The following PACRG variants were observed in gnomAD, a reference collection of about 807,000 sequenced individuals.
PACRG encodes the protein parkin coregulated, also known as parkin coregulated gene protein.
Under a neutral mutation model 29.7 loss-of-function variants are expected in PACRG, and 29 were observed. That is an observed-to-expected ratio of 0.98 (90% CI 0.73 to 1.33). The LOEUF (loss-of-function observed/expected upper bound fraction) is 1.33, where lower values mean the gene tolerates loss of function less well. Ranked by LOEUF, PACRG falls within the 40% of genes most tolerant of loss-of-function variation. PACRG has a pLI of 0.00. For missense variants in PACRG, 279 were observed against 316.2 expected (o/e 0.88, Z 0.89); for synonymous variants, 116 against 118.7 (o/e 0.98, Z 0.15).
chr6:163,242,029 A>G (rs1452538201), intron 4 of PACRG, among the ~76,000 whole-genome samples: 4 of 152,164 alleles, frequency 2.6e-5, no homozygotes, highest in Non-Finnish European at 5.9e-5. Context: ...ATTTTTTTAA[A>G]CCAATGATGT....
chr6:163,278,686 G>A (rs1290553277), intron 4 of PACRG, among the ~76,000 whole-genome samples: 1 of 152,074 alleles, frequency 6.6e-6, no homozygotes, highest in Non-Finnish European at 1.5e-5. Flanking sequence ...CTGTTCCATT[G>A]GTCTATGTGC....
At chr6:162,792,051 G>A (rs1514343) in intron 1 of PACRG, among the ~76,000 whole-genome samples, 32,817 of 152,016 alleles carry the variant, frequency 0.22, 4,301 homozygotes, top group African/African-American at 0.33. Flanking sequence ...TTTGAGGAGA[G>A]AATGAAATAT....
chr6:162,809,141 A>G lies in PACRG; in HGVS notation c.157-5006A>G, dbSNP rs188058890. On this transcript the variant is annotated intron_variant, in intron 1 of 4. Coordinates refer to ENST00000366888, the MANE Select transcript of PACRG (RefSeq NM_001080379.2). Reference sequence around the variant, plus strand: ...TGTCATATGTACCTGGAACAGAAAAAAATATTATTTCAGCAGTAGTGACAA... The same window carrying G: ...TGTCATATGTACCTGGAACAGAAAAGAATATTATTTCAGCAGTAGTGACAA... Among the ~76,000 whole-genome samples the G allele has an allele frequency of 3.8e-3, 586 of 152,272 alleles. 2 individuals are homozygous for G. Among genetic ancestry groups the G allele is most frequent in the Non-Finnish European group, 7.0e-3 (476 of 68,016 alleles).
At chr6:163,264,319 T>C (rs73601579) in intron 4 of PACRG, among the ~76,000 whole-genome samples, 1,905 of 152,322 alleles carry the variant, frequency 0.013, 35 homozygotes, top group African/African-American at 0.044. Flanking sequence ...CATCTCCTGC[T>C]TATCCAGAGG....
intron 4 of PACRG, among the ~76,000 whole-genome samples, chr6:163,216,681 A>G (rs544536208): frequency 7.7e-4 from 117 of 152,318 alleles, no homozygotes; most frequent in African/African-American, 2.7e-3. Flanking sequence ...GTGTGCATAC[A>G]TATGCACATG....
chr6:163,011,659 T>A (rs1430737236), intron 2 of PACRG, among the ~76,000 whole-genome samples: 2 of 152,182 alleles, frequency 1.3e-5, no homozygotes, highest in Admixed American at 6.5e-5. Flanking sequence ...TCACTGTAAG[T>A]TTTTTACTTT....
chr6:163,238,328 A>G (rs1412189500), intron 4 of PACRG, among the ~76,000 whole-genome samples: 1 of 152,236 alleles, frequency 6.6e-6, no homozygotes, highest in Non-Finnish European at 1.5e-5. Context: ...AGTTTTATAT[A>G]CAACAGTAAA....
At chr6:162,995,560 G>T (rs1242091383) in intron 2 of PACRG, among the ~76,000 whole-genome samples, 2 of 152,220 alleles carry the variant, frequency 1.3e-5, no homozygotes, top group African/African-American at 4.8e-5. Flanking sequence ...CTGACCCCTT[G>T]CGCTTCCCAC....
intron 2 of PACRG, among the ~76,000 whole-genome samples, chr6:163,031,288 A>G (rs907414717): frequency 6.6e-6 from 1 of 152,212 alleles, no homozygotes; most frequent in Non-Finnish European, 1.5e-5. Flanking sequence ...CTTTCCATGA[A>G]CTAGGCAACT....
chr6:162,742,384 A>G (rs960441875), intron 1 of PACRG, among the ~76,000 whole-genome samples: 5 of 152,100 alleles, frequency 3.3e-5, no homozygotes, highest in African/African-American at 1.2e-4. Context: ...TTCCACCATG[A>G]TTGCGAGGCT....
At chr6:163,014,144 G>A (rs972866378) in intron 2 of PACRG, among the ~76,000 whole-genome samples, 1 of 152,140 alleles carries the variant, frequency 6.6e-6, no homozygotes, top group African/African-American at 2.4e-5. Flanking sequence ...GCTTAAGATA[G>A]TGGTCTCCAG....
At chr6:163,077,448 A>C (rs889759341) in intron 3 of PACRG, among the ~76,000 whole-genome samples, 7 of 152,196 alleles carry the variant, frequency 4.6e-5, no homozygotes, top group Admixed American at 1.3e-4. Flanking sequence ...GAGCAAGAAC[A>C]TTTTACCAAG....
intron 1 of PACRG, among the ~76,000 whole-genome samples, chr6:162,796,526 A>G (rs1785395621): frequency 6.6e-6 from 1 of 152,066 alleles, no homozygotes; most frequent in Admixed American, 6.6e-5. Flanking sequence ...TTTTTATGAT[A>G]GCTATTAATT....
intron 1 of PACRG, among the ~76,000 whole-genome samples, chr6:162,808,327 G>A: frequency 6.6e-6 from 1 of 152,202 alleles, no homozygotes; most frequent in Non-Finnish European, 1.5e-5. Flanking sequence ...ATGAAAACAA[G>A]TAATCAATAT....
At chr6:162,907,706 A>G (rs748792356) in intron 2 of PACRG, among the ~76,000 whole-genome samples, 6 of 152,172 alleles carry the variant, frequency 3.9e-5, no homozygotes, top group Non-Finnish European at 5.9e-5. Flanking sequence ...TTTTATATAT[A>G]TTATTTCTTA....
intron 4 of PACRG, among the ~76,000 whole-genome samples, chr6:163,126,477 A>T (rs1265033584): frequency 6.6e-6 from 1 of 152,184 alleles, no homozygotes; most frequent in Non-Finnish European, 1.5e-5. Context: ...TTTGGTATTT[A>T]TGAGGGCATT....
intron 1 of PACRG, among the ~76,000 whole-genome samples, chr6:162,751,142 T>G (rs1292510004): frequency 6.6e-6 from 1 of 151,058 alleles, no homozygotes; most frequent in African/African-American, 2.4e-5. Context: ...ATACAAGCCA[T>G]TTTAGAAATG....
At chr6:162,876,826 G>A (rs1301691218) in intron 2 of PACRG, among the ~76,000 whole-genome samples, 2 of 152,086 alleles carry the variant, frequency 1.3e-5, no homozygotes, top group East Asian at 3.9e-4. Context: ...TTTCCTCTAG[G>A]GATTTTATGG....
intron 4 of PACRG, among the ~76,000 whole-genome samples, chr6:163,211,247 A>ACTT (rs1403650302): frequency 6.6e-6 from 1 of 152,208 alleles, no homozygotes; most frequent in Admixed American, 6.5e-5. Flanking sequence ...ACTGTCTCAT[A>ACTT]CTTCACAGAA....
Sources: allele counts gnomAD v4.1 joint callset (sites outside exome capture counted in the v4.1 genomes callset), GRCh38; gene constraint gnomAD v4.1.1; transcripts MANE v1.5; gene names NCBI Gene and HGNC (gene_info 2026-07-23, HGNC 2026-07-21).